HSPA12A: variants seen among roughly 807,000 people sequenced by gnomAD.
The protein encoded by HSPA12A is heat shock protein family A (Hsp70) member 12A, also known as heat shock 70 kDa protein 12A.
In HSPA12A, 28 loss-of-function variants were observed where a neutral mutation model predicts 69.2. The observed-to-expected ratio is 0.40, with a 90% CI of 0.30 to 0.55. The LOEUF (loss-of-function observed/expected upper bound fraction) is 0.55. Among genes scored for constraint, HSPA12A ranks in the 20% least tolerant of loss-of-function variants. The pLI, the probability that HSPA12A is intolerant of heterozygous loss-of-function variation, is 0.38. For missense variants in HSPA12A, 686 were observed against 900.7 expected (o/e 0.76, Z 3.05); for synonymous variants, 345 against 370.5 (o/e 0.93, Z 0.79).
intron 2 of HSPA12A, among the ~76,000 whole-genome samples, chr10:116,751,445 ATC>A (rs1476598425): frequency 1.3e-5 from 2 of 152,218 alleles, no homozygotes; most frequent in African/African-American, 4.8e-5. Context: ...TCCACAATAT[ATC>A]TGTTTTCTCA....
At chr10:116,751,166 G>T in intron 2 of HSPA12A, 1 of 227,634 alleles carries the variant, frequency 4.4e-6, no homozygotes, top group South Asian at 8.2e-5. Flanking sequence ...GGGTGACAAT[G>T]GCAAAACTGT....
intron 2 of HSPA12A, among the ~76,000 whole-genome samples, chr10:116,803,007 C>T (rs1366050218): frequency 6.6e-6 from 1 of 152,176 alleles, no homozygotes; most frequent in Non-Finnish European, 1.5e-5. Context: ...GCAACGACCA[C>T]AGAACAGGGC....
At chr10:116,849,153 G>A (rs1845970470) in intron 1 of HSPA12A, among the ~76,000 whole-genome samples, 1 of 152,312 alleles carries the variant, frequency 6.6e-6, no homozygotes, top group East Asian at 1.9e-4. Flanking sequence ...CGTGGGGAGG[G>A]CGGGGTGGCC....
At chr10:116,849,446 G>A in intron 1 of HSPA12A, 1 of 1,334,058 alleles carries the variant, frequency 7.5e-7, no homozygotes, top group Non-Finnish European at 9.9e-7. Context: ...ACCGCAGGAA[G>A]AACCTAGGCC....
chr10:116,833,863 A>T (rs1014688647), intron 2 of HSPA12A, among the ~76,000 whole-genome samples: 1 of 152,160 alleles, frequency 6.6e-6, no homozygotes, highest in Non-Finnish European at 1.5e-5. Context: ...CACCTAAAGC[A>T]TTCCCTTTCT....
At chr10:116,816,502 A>G (rs907475921) in intron 2 of HSPA12A, among the ~76,000 whole-genome samples, 2 of 152,170 alleles carry the variant, frequency 1.3e-5, no homozygotes, top group Admixed American at 6.5e-5. Context: ...ACAGCACCCA[A>G]ATCATGTCAC....
intron 3 of HSPA12A, among the ~76,000 whole-genome samples, chr10:116,702,405 T>G (rs1638433): frequency 0.58 from 87,533 of 152,078 alleles, 25,277 homozygotes; most frequent in Middle Eastern, 0.69. Context: ...TCCCAGCTGA[T>G]CCCGGACCTG....
intron 1 of HSPA12A, among the ~76,000 whole-genome samples, chr10:116,843,879 C>T (rs897054938): frequency 1.3e-5 from 2 of 152,150 alleles, no homozygotes; most frequent in Admixed American, 1.3e-4. Context: ...TATGTCTCTT[C>T]GTGGTGCTTA....
At chr10:116,680,272 G>A (rs1380521156) in intron 9 of HSPA12A, among the ~76,000 whole-genome samples, 1 of 152,108 alleles carries the variant, frequency 6.6e-6, no homozygotes, top group Non-Finnish European at 1.5e-5. Context: ...TTACAGGCAT[G>A]AGCCACCACT....
chr10:116,745,210 C>T (rs1028938352), upstream of HSPA12A, among the ~76,000 whole-genome samples: 14 of 152,222 alleles, frequency 9.2e-5, no homozygotes, highest in African/African-American at 2.9e-4. Flanking sequence ...TCTAGAACAG[C>T]GCCTGGTACA....
At chr10:116,700,755 G>A (rs1396253116) in intron 4 of HSPA12A, among the ~76,000 whole-genome samples, 188 bp downstream of exon 4, 3 of 152,088 alleles carry the variant, frequency 2.0e-5, no homozygotes, top group African/African-American at 2.4e-5. Context: ...GGAAAGCATC[G>A]CATATTCCAC....
chr10:116,838,492 A>C (rs1354179532), intron 1 of HSPA12A, among the ~76,000 whole-genome samples: 1 of 152,208 alleles, frequency 6.6e-6, no homozygotes, highest in African/African-American at 2.4e-5. Context: ...AGTGGAATGA[A>C]TGTCAAATCT....
At chr10:116,740,980 AAAAAAAAG>A (rs1448863460) in intron 1 of HSPA12A, among the ~76,000 whole-genome samples, 4 of 151,104 alleles carry the variant, frequency 2.6e-5, no homozygotes, top group African/African-American at 9.7e-5. Context: ...AAAAAAAAAA[AAAAAAAAG>A]AGTCAATCCA....
chr10:116,707,237 T>A lies in HSPA12A; in HGVS notation c.89A>T (p.Asp30Val). The A allele has an allele frequency of 6.2e-7, 1 of 1,611,596 alleles. No homozygotes were observed. Among genetic ancestry groups the A allele is most frequent in the Non-Finnish European group, 8.5e-7 (1 of 1,179,336 alleles). ...GGGGGACAGAGGCGTTATTCCTGTG[T>A]CCCCAAGACTCCGGGCTGGAGATGA... ...AYSSPARSLG[D>V]TGITPLSPSH... Residue 30 changes from aspartate (D) to valine (V), a missense_variant, in exon 2 of 12, where the codon GAC (aspartate) becomes GTC (valine). Transcript: ENST00000369209.
At chr10:116,764,155 G>A (rs1166861330) in intron 2 of HSPA12A, among the ~76,000 whole-genome samples, 1 of 152,104 alleles carries the variant, frequency 6.6e-6, no homozygotes, top group Non-Finnish European at 1.5e-5. Context: ...ACTCACTATG[G>A]AAAAAGTCTT....
chr10:116,806,569 T>G (rs887110127), intron 2 of HSPA12A, among the ~76,000 whole-genome samples: 2 of 14,660 alleles, frequency 1.4e-4, no homozygotes, highest in African/African-American at 1.5e-4. Flanking sequence ...GAAGACACAG[T>G]GTTTGCCACA....
At chr10:116,759,562 C>T (rs1843926618) in intron 2 of HSPA12A, among the ~76,000 whole-genome samples, 1 of 152,132 alleles carries the variant, frequency 6.6e-6, no homozygotes, top group Admixed American at 6.5e-5. Context: ...GGGTCACCTT[C>T]CATGAGGATG....
At chr10:116,839,916 T>G (rs916798001) in intron 1 of HSPA12A, among the ~76,000 whole-genome samples, 1 of 152,054 alleles carries the variant, frequency 6.6e-6, no homozygotes, top group Admixed American at 6.6e-5. Flanking sequence ...GTGCCTTTTT[T>G]TTTTTCTTTA....
At chr10:116,703,089 T>C (rs1174367302) in intron 3 of HSPA12A, among the ~76,000 whole-genome samples, 1 of 152,210 alleles carries the variant, frequency 6.6e-6, no homozygotes, top group Non-Finnish European at 1.5e-5. Context: ...GGGTCAGTGG[T>C]GGCAGCACAG....
Sources: allele counts gnomAD v4.1 joint callset (sites outside exome capture counted in the v4.1 genomes callset), GRCh38; gene constraint gnomAD v4.1.1; transcripts MANE v1.5; gene names NCBI Gene and HGNC (gene_info 2026-07-23, HGNC 2026-07-21).